Variants in PTPN3 observed in about 807,000 individuals in gnomAD.
The protein encoded by PTPN3 is tyrosine-protein phosphatase non-receptor type 3.
Under a neutral mutation model 132.7 loss-of-function variants are expected in PTPN3, and 96 were observed. The ratio of observed to expected loss-of-function variants is 0.72; its 90% confidence interval spans 0.61 to 0.86. PTPN3 has a LOEUF of 0.86. PTPN3 is among the 40% of genes least tolerant of loss of function. PTPN3 has a pLI of 0.00. For missense variants in PTPN3, 1,125 were observed against 1,159.6 expected, an observed-to-expected ratio of 0.97 and a Z score of 0.43; for synonymous variants, 398 against 429.0, an observed-to-expected ratio of 0.93 and a Z score of 0.89.
At chr9:109,419,501 T>C (rs984657938) in intron 14 of PTPN3, among the ~76,000 whole-genome samples, 38 of 152,342 alleles carry the variant, frequency 2.5e-4, no homozygotes, top group African/African-American at 7.0e-4. Flanking sequence ...TTCCTAACAG[T>C]TGATCCTTTA....
At chr9:109,426,018 A>G (rs1843254318) in intron 12 of PTPN3, among the ~76,000 whole-genome samples, 1 of 150,776 alleles carries the variant, frequency 6.6e-6, no homozygotes, top group African/African-American at 2.4e-5. Context: ...CATCTCAAAA[A>G]AAAAAAAAAA....
the PTPN3 span, among the ~76,000 whole-genome samples, chr9:109,530,895 G>A: frequency 2.0e-5 from 3 of 151,988 alleles, no homozygotes; most frequent in Admixed American, 6.5e-5. Context: ...CTAGTACTTT[G>A]CCTATTTTTG....
chr9:109,404,467 G>A lies in PTPN3; in HGVS notation c.1934C>T (p.Thr645Met), dbSNP rs1361970381. 4.7e-6 allele frequency: 7 copies of A among 1,494,276 alleles called. No homozygotes were observed. Among genetic ancestry groups the A allele is most frequent in the South Asian group, 1.4e-5 (1 of 69,672 alleles). 92.6% of individuals were successfully genotyped at this position (1,494,276 alleles called of 1,614,324 possible). A position where few individuals can be genotyped will look rare whatever the true frequency, so the allele number is the denominator to read the frequency against. The change falls in exon 19 of 26, where the codon ACG becomes ATG. Residue 645 changes from threonine to methionine, a missense_variant. Physicochemically the swap from Thr to Met is moderately conservative, Grantham distance 81. Coordinates refer to ENST00000374541, the MANE Select transcript of PTPN3 (RefSeq NM_002829.4). ...AQLKKGLESG[T>M]VLIQFEQLYR... The stretch of plus-strand genomic sequence containing the variant: ...TCTTACCTCAAACTGGATCAGCACC[G>A]TCCCGCTTTCGAGGCCCTTCTTTAG...
intron 19 of PTPN3, chr9:109,392,613 T>C (rs993373844): frequency 6.6e-5 from 10 of 152,180 alleles, no homozygotes; most frequent in Non-Finnish European, 1.5e-4. Context: ...ACTTTTTTTT[T>C]CTCTTCCTGA....
chr9:109,495,579 T>C (rs1588515196), intron 1 of PTPN3, among the ~76,000 whole-genome samples: 1 of 151,762 alleles, frequency 6.6e-6, no homozygotes, highest in Admixed American at 6.6e-5. Context: ...GGGAATGGGG[T>C]GGGGTTTGGC....
At chr9:109,505,439 AT>A in the PTPN3 span, among the ~76,000 whole-genome samples, 1,060 of 151,948 alleles carry the variant, frequency 7.0e-3, 10 homozygotes, top group Non-Finnish European at 0.012. Context: ...CACCTGGCTA[AT>A]TTTTTTTGTT....
the PTPN3 span, among the ~76,000 whole-genome samples, chr9:109,518,627 A>G: frequency 1.3e-5 from 2 of 151,920 alleles, no homozygotes; most frequent in East Asian, 3.9e-4. Context: ...CTCCATCCAG[A>G]GGGGTGTTTG....
chr9:109,398,103 A>G (rs1258317985), intron 19 of PTPN3, among the ~76,000 whole-genome samples: 1 of 152,136 alleles, frequency 6.6e-6, no homozygotes, highest in Non-Finnish European at 1.5e-5. Flanking sequence ...GTGAAACCCC[A>G]TCTCTACTTA....
intron 11 of PTPN3, among the ~76,000 whole-genome samples, chr9:109,427,576 T>G (rs1843368556): frequency 6.6e-6 from 1 of 152,232 alleles, no homozygotes; most frequent in African/African-American, 2.4e-5. Context: ...TTGAATCCAG[T>G]GCTCATATGT....
chr9:109,518,889 G>C, the PTPN3 span, among the ~76,000 whole-genome samples: 1 of 152,106 alleles, frequency 6.6e-6, no homozygotes, highest in Admixed American at 6.6e-5. Flanking sequence ...TGTTCATCCA[G>C]AAGACTGAGA....
intron 4 of PTPN3, 26 bp downstream of exon 4, chr9:109,457,147 G>C (rs754145785): frequency 2.4e-5 from 38 of 1,608,038 alleles, no homozygotes; most frequent in Middle Eastern, 1.6e-4. Context: ...CCTAATGTTC[G>C]ACTGAAATGA....
intron 16 of PTPN3, among the ~76,000 whole-genome samples, chr9:109,409,313 T>A (rs949913321): frequency 2.6e-5 from 4 of 152,194 alleles, no homozygotes; most frequent in African/African-American, 9.7e-5. Flanking sequence ...GCTGAGGGGT[T>A]CTCTTAATAG....
chr9:109,524,909 TG>T, the PTPN3 span, among the ~76,000 whole-genome samples: 2 of 152,020 alleles, frequency 1.3e-5, no homozygotes, highest in South Asian at 4.1e-4. Flanking sequence ...GGCTAATTTT[TG>T]TATTTTTAGT....
At chr9:109,429,019 G>C (rs1356555722) in intron 10 of PTPN3, 1 of 985,464 alleles carries the variant, frequency 1.0e-6, no homozygotes, top group Non-Finnish European at 1.2e-6. Context: ...AGACAGCTGA[G>C]AGCAGCATGG....
intron 1 of PTPN3, among the ~76,000 whole-genome samples, chr9:109,467,838 G>A (rs369335216): frequency 6.6e-6 from 1 of 152,256 alleles, no homozygotes; most frequent in East Asian, 1.9e-4. Flanking sequence ...ACAAAATAAA[G>A]CCCACCAGCA....
chr9:109,381,537 G>A (rs988927759), intron 25 of PTPN3, 115 bp downstream of exon 25: 17 of 1,435,856 alleles, frequency 1.2e-5, no homozygotes, highest in Non-Finnish European at 1.3e-5. Context: ...CCTTGGGCAA[G>A]TGATTCAGTC....
intron 16 of PTPN3, among the ~76,000 whole-genome samples, chr9:109,408,718 T>A (rs1474261771): frequency 2.0e-5 from 3 of 150,586 alleles, no homozygotes; most frequent in Admixed American, 1.3e-4. Context: ...CCACAGCATG[T>A]CTTCGAGTGC....
chr9:109,476,538 C>T (rs1173392834), intron 1 of PTPN3, among the ~76,000 whole-genome samples: 3 of 152,022 alleles, frequency 2.0e-5, no homozygotes, highest in Non-Finnish European at 4.4e-5. Context: ...TAAAGACAAC[C>T]CTCTCACTGA....
At chr9:109,498,462 C>T (rs1486011106), upstream of PTPN3, 1 of 151,630 alleles carries the variant, frequency 6.6e-6, no homozygotes, top group African/African-American at 2.4e-5. The surrounding 1 kb of genome is among the most constrained non-coding windows in gnomAD (Gnocchi z 4.2). Context: ...CCTAGGGGCA[C>T]CGGGGCTCTC....
Sources: gnomAD v4.1 joint callset for allele counts (sites outside exome capture counted in the v4.1 genomes callset) on GRCh38, gnomAD v4.1.1 for gene constraint, Gnocchi (gnomAD v3.1) non-coding constraint, MANE v1.5 for transcripts, NCBI Gene and HGNC (gene_info 2026-07-23, HGNC 2026-07-21) for gene names.